SGCD: variants seen among roughly 807,000 people sequenced by gnomAD.
SGCD encodes delta-sarcoglycan.
Under a neutral mutation model 36.6 loss-of-function variants are expected in SGCD, and 18 were observed. That is an observed-to-expected ratio of 0.49 (90% confidence interval 0.34 to 0.73). The LOEUF (loss-of-function observed/expected upper bound fraction) is 0.73. Among genes scored for constraint, SGCD ranks in the 30% least tolerant of loss-of-function variants. The probability of loss-of-function intolerance (pLI) is 0.01; values close to 1 mark genes in which losing one functional copy is unlikely to be tolerated. For missense variants in SGCD, 387 were observed against 346.7 expected, an observed-to-expected ratio of 1.12 and a Z score of -0.92; for synonymous variants, 133 against 130.6, an observed-to-expected ratio of 1.02 and a Z score of -0.12.
At chr5:156,018,909 T>G in intron 1 of SGCD, among the ~76,000 whole-genome samples, 1 of 152,220 alleles carries the variant, frequency 6.6e-6, no homozygotes, top group East Asian at 1.9e-4. Flanking sequence ...TCCCGGATTT[T>G]CATCAAATTT....
upstream of SGCD, among the ~76,000 whole-genome samples, chr5:155,869,405 T>C (rs1755587438): frequency 1.3e-5 from 2 of 152,230 alleles, no homozygotes; most frequent in African/African-American, 4.8e-5. Flanking sequence ...ATTGTATAAA[T>C]GATTTTTTTT....
intron 1 of SGCD, among the ~76,000 whole-genome samples, chr5:155,875,910 C>G (rs925729564): frequency 4.6e-5 from 7 of 151,884 alleles, no homozygotes; most frequent in African/African-American, 1.5e-4. Flanking sequence ...ATTTCGAGGA[C>G]TGATGAGCAA....
chr5:156,684,687 G>T (rs1421650075), intron 7 of SGCD, among the ~76,000 whole-genome samples: 2 of 152,158 alleles, frequency 1.3e-5, no homozygotes, highest in African/African-American at 4.8e-5. Flanking sequence ...CCAGCAGGCT[G>T]GGAAAAGACC....
At chr5:155,851,932 G>A in the SGCD span, among the ~76,000 whole-genome samples, 5 of 152,158 alleles carry the variant, frequency 3.3e-5, no homozygotes, top group Admixed American at 2.6e-4. Context: ...TGATCTTTCT[G>A]TATCTGTCCT....
the SGCD span, among the ~76,000 whole-genome samples, chr5:155,762,880 G>A: frequency 6.6e-6 from 1 of 152,094 alleles, no homozygotes; most frequent in Non-Finnish European, 1.5e-5. Flanking sequence ...TTAGGAATCA[G>A]GAGTACCCTG....
the SGCD span, among the ~76,000 whole-genome samples, chr5:155,840,998 G>A: frequency 3.7e-5 from 4 of 109,098 alleles, no homozygotes; most frequent in African/African-American, 4.0e-5. Flanking sequence ...GTGACAGAGC[G>A]AGACTCCATC....
chr5:156,059,240 A>G (rs1026796017), intron 1 of SGCD, among the ~76,000 whole-genome samples: 8 of 145,796 alleles, frequency 5.5e-5, no homozygotes, highest in African/African-American at 2.0e-4. Context: ...AAAGCAAGTT[A>G]ATTAAATTAA....
At chr5:155,922,976 A>G (rs1489419490) in intron 1 of SGCD, among the ~76,000 whole-genome samples, 1 of 152,222 alleles carries the variant, frequency 6.6e-6, no homozygotes, top group Non-Finnish European at 1.5e-5. Context: ...GATGAGTCCT[A>G]TTAGCATAAC....
chr5:156,350,812 C>CT (rs1269238218), intron 3 of SGCD, among the ~76,000 whole-genome samples: 2 of 152,128 alleles, frequency 1.3e-5, no homozygotes, highest in Non-Finnish European at 2.9e-5. Flanking sequence ...GTACATGGCC[C>CT]TTAAAATCTT....
At chr5:156,710,219 C>T (rs921614536) in intron 7 of SGCD, among the ~76,000 whole-genome samples, 4 of 152,262 alleles carry the variant, frequency 2.6e-5, no homozygotes, top group Non-Finnish European at 5.9e-5. Context: ...AGAAGAGGTG[C>T]TCAGTAAATA....
At chr5:156,679,127 C>T (rs1753626465) in intron 7 of SGCD, among the ~76,000 whole-genome samples, 1 of 152,186 alleles carries the variant, frequency 6.6e-6, no homozygotes, top group Non-Finnish European at 1.5e-5. Context: ...TTATCCTCTC[C>T]TGTAATATTT....
At chr5:156,268,343 T>C (rs549016869) in intron 3 of SGCD, among the ~76,000 whole-genome samples, 2 of 152,244 alleles carry the variant, frequency 1.3e-5, no homozygotes, top group South Asian at 2.1e-4. Context: ...TCCTCTGGGA[T>C]TTTTGAGTGG....
chr5:156,497,642 T>A (rs10476424), intron 3 of SGCD, among the ~76,000 whole-genome samples: 2 of 151,506 alleles, frequency 1.3e-5, no homozygotes, highest in African/African-American at 4.8e-5. Flanking sequence ...TCTCTCTCTC[T>A]CTCACACACA....
At chr5:155,770,421 G>T in the SGCD span, among the ~76,000 whole-genome samples, 1 of 152,222 alleles carries the variant, frequency 6.6e-6, no homozygotes, top group East Asian at 1.9e-4. Context: ...CATAGAAGCA[G>T]ATGTTCAAAG....
chr5:155,856,188 T>A, the SGCD span, among the ~76,000 whole-genome samples: 1,434 of 152,180 alleles, frequency 9.4e-3, 24 homozygotes, highest in African/African-American at 0.033. Context: ...ATATACGTAC[T>A]CTGTATATAC....
At chr5:156,004,526 T>C (rs2127568891) in intron 1 of SGCD, among the ~76,000 whole-genome samples, 1 of 152,284 alleles carries the variant, frequency 6.6e-6, no homozygotes, top group African/African-American at 2.4e-5. Flanking sequence ...ACACTGACAT[T>C]AGTAACCAGA....
chr5:156,182,541 G>A (rs1230841248), intron 3 of SGCD, among the ~76,000 whole-genome samples: 1 of 152,166 alleles, frequency 6.6e-6, no homozygotes, highest in Non-Finnish European at 1.5e-5. Flanking sequence ...CGGTTGCAGT[G>A]AGCTGAGATC....
intron 4 of SGCD, among the ~76,000 whole-genome samples, chr5:156,567,584 T>C (rs1759547808): frequency 6.6e-6 from 1 of 152,142 alleles, no homozygotes; most frequent in Non-Finnish European, 1.5e-5. Context: ...GCCTTCGTCC[T>C]GTTTAGGCCT....
intron 3 of SGCD, among the ~76,000 whole-genome samples, chr5:156,361,995 GA>G (rs1307208775): frequency 6.6e-6 from 1 of 152,210 alleles, no homozygotes; most frequent in African/African-American, 2.4e-5. Flanking sequence ...GTCATGGGAA[GA>G]GCTGGGCAAG....
Sources: allele counts gnomAD v4.1 joint callset (sites outside exome capture counted in the v4.1 genomes callset), GRCh38; gene constraint gnomAD v4.1.1; transcripts MANE v1.5; gene names NCBI Gene and HGNC (gene_info 2026-07-23, HGNC 2026-07-21).